LHX9: variants seen among roughly 807,000 people sequenced by gnomAD.
LHX9 encodes the protein LIM/homeobox protein Lhx9.
A neutral mutation model predicts 36.5 loss-of-function variants in LHX9; 9 were observed. The ratio of observed to expected loss-of-function variants is 0.25; its 90% CI spans 0.15 to 0.43. LHX9 has a LOEUF of 0.43. Ranked by LOEUF, LHX9 falls within the 20% of genes least tolerant of loss-of-function variation. The pLI is 1.00. For synonymous variants in LHX9, 211 were observed against 212.1 expected, an observed-to-expected ratio of 0.99 and a Z score of 0.04; for missense variants, 464 against 526.4, an observed-to-expected ratio of 0.88 and a Z score of 1.16.
upstream of LHX9, among the ~76,000 whole-genome samples, chr1:197,915,141 A>G (rs1005486576): frequency 6.6e-5 from 10 of 152,358 alleles, no homozygotes; most frequent in Admixed American, 6.5e-4. Context: ...GCAATATGCA[A>G]CAAGAACCAA....
At position 197,921,578 on chromosome 1, in the gene LHX9, G is replaced by A. The variant is rs748551619; in HGVS notation, c.652G>A (p.Gly218Ser). 3.7e-6 allele frequency: 6 copies of A among 1,612,126 alleles called. No homozygotes were observed. The highest frequency in any genetic ancestry group is 2.2e-5 in the South Asian group (2 of 91,064). The change falls in exon 3 of 5, where the codon GGT (glycine) becomes AGT (serine). Residue 218 changes from glycine to serine, a missense_variant. Gly to Ser is a moderately conservative substitution (Grantham distance 56, BLOSUM62 0). This residue lies in a region of LHX9 where 130 missense variants were observed against 109.6 expected (regional missense o/e 1.19). Coordinates refer to ENST00000367387, the MANE Select transcript of LHX9 (RefSeq NM_020204.3). The surrounding 1 kb of genome is among the most constrained non-coding windows in gnomAD (Gnocchi z 4.6). ...SGGLALPYFN[G>S]TGTVQKGRPR... is the part of the protein sequence containing the mutation. Reference sequence around the variant, plus strand: ...CGGCCTGGCCCTGCCTTACTTCAACGGTACGGGCACCGTGCAGAAAGGGCG... The same window carrying A: ...CGGCCTGGCCCTGCCTTACTTCAACAGTACGGGCACCGTGCAGAAAGGGCG...
rs1659803601 is a variant in LHX9, at chr1:197,917,522, G to A, written c.-302G>A. 4.2e-6 allele frequency: 6 copies of A among 1,423,852 alleles called. No homozygotes were observed. Among genetic ancestry groups the A allele is most frequent in the South Asian group, 1.2e-5 (1 of 82,048 alleles). 88.2% of individuals were successfully genotyped at this position (1,423,852 alleles called of 1,614,324 possible). A position where few individuals can be genotyped will look rare whatever the true frequency, so the allele number is the denominator to read the frequency against. On this transcript the variant is annotated 5_prime_UTR_variant, in exon 1 of 5. Transcript: ENST00000367387. ...CCCCCGCTGCAGTTGTTTCCCATTA[G>A]TAACTCGATCTCTCAGAGCAGTAAG...
Position 197,931,669 on chromosome 1 carries a change from G to C in LHX9, c.*2410G>C, listed in dbSNP as rs1660330569. ...TGCACAGGCAGTGTAATTCAACCTA[G>C]AAATACCTTTGAATATATTTGCTTA... On this transcript the variant is annotated 3_prime_UTR_variant, in exon 5 of 5. Coordinates refer to ENST00000367387, the MANE Select transcript of LHX9 (RefSeq NM_020204.3). 2.7e-6 allele frequency: 1 copy of C among 376,586 alleles called. No individual in the cohort carries two copies. The highest frequency in any genetic ancestry group is 4.8e-6 in the Non-Finnish European group (1 of 207,746). 23.3% of individuals were successfully genotyped at this position (376,586 alleles called of 1,614,324 possible).
rs1426009892 is a variant in LHX9 at position 197,924,964 on chromosome 1, T to C, written c.734-2627T>C. Among the ~76,000 whole-genome samples the C allele has an allele frequency of 4.3e-5, 2 of 46,118 alleles. 1 individual carries two copies. The highest frequency in any genetic ancestry group is 7.9e-5 in the Non-Finnish European group (2 of 25,240). 30.3% of individuals were successfully genotyped at this position (46,118 alleles called of 152,430 possible). On this transcript the variant is annotated intron_variant, in intron 3 of 4. Coordinates refer to ENST00000367387, the MANE Select transcript of LHX9 (RefSeq NM_020204.3). ...AATAGGCCTTGGAGAAACAGTCATT[T>C]GCAAGTTTATATAATGCATGTGTAG...
chr1:197,916,796 G>A (rs779564737), upstream of LHX9: 6 of 702,922 alleles, frequency 8.5e-6, no homozygotes, highest in South Asian at 8.9e-5. Flanking sequence ...TTTAAAAGTG[G>A]ATTGAGGAAG....
In LHX9 at chr1:197,927,758, G is replaced by T. The variant is rs1660190055; in HGVS notation, c.901G>T (p.Ala301Ser). ...NPDAKDLKQL[A>S]QKTGLTKRVL... ...GGATGCCAAGGACCTCAAGCAGCTT[G>T]CCCAGAAAACAGGTCTGACCAAAAG... Residue 301 changes from alanine (A) to serine (S), a missense_variant, in exon 4 of 5, where the codon GCC becomes TCC. Ala to Ser is a moderately conservative substitution (Grantham distance 99). Coordinates refer to ENST00000367387, the MANE Select transcript of LHX9 (RefSeq NM_020204.3). 1 of 1,614,052 alleles carries T rather than the reference G, an allele frequency of 6.2e-7. No homozygotes were observed. Among genetic ancestry groups the T allele is most frequent in the African/African-American group, 1.3e-5 (1 of 74,912 alleles).
rs1411580463 is a variant in LHX9 at position 197,935,023 on chromosome 1, C to T, written c.*5764C>T. 6.6e-6 allele frequency: 1 copy of T among 151,990 alleles called. No homozygotes were observed. Among genetic ancestry groups the T allele is most frequent in the African/African-American group, 2.4e-5 (1 of 41,374 alleles). The allele number at this position is 151,990 out of a possible 1,614,324, so 9.4% of individuals were successfully genotyped here. A position where few individuals can be genotyped will look rare whatever the true frequency, so the allele number is the denominator to read the frequency against. On this transcript the variant is annotated 3_prime_UTR_variant, in exon 5 of 5. Coordinates refer to ENST00000367387, the MANE Select transcript of LHX9 (RefSeq NM_020204.3). ...GGAAAGTTTAGAACTGTGCATGATA[C>T]TCAAGGAAAAGTCTATGAATATGAT... is the stretch of plus-strand genomic sequence containing the variant.
At chr1:197,922,927 A>G (rs1160639967) in intron 3 of LHX9, among the ~76,000 whole-genome samples, 1 of 152,186 alleles carries the variant, frequency 6.6e-6, no homozygotes, top group Non-Finnish European at 1.5e-5. Context: ...CCAGCCAGTT[A>G]AGTGATTTGC....
At chr1:197,916,939 A>G (rs1320681839), upstream of LHX9, among the ~76,000 whole-genome samples, 1 of 152,162 alleles carries the variant, frequency 6.6e-6, no homozygotes, top group African/African-American at 2.4e-5. Context: ...AGGAAATCCA[A>G]AGTTTGAAGT....
rs1363596998 is a variant in LHX9 at position 197,932,208 on chromosome 1, C to T, written c.*2949C>T. 2 of 394,582 alleles carry T rather than the reference C, an allele frequency of 5.1e-6. No homozygotes were observed. The highest frequency in any genetic ancestry group is 9.1e-6 in the Non-Finnish European group (2 of 220,326). The allele number at this position is 394,582 out of a possible 1,614,324, so 24.4% of individuals were successfully genotyped here. On this transcript the variant is annotated 3_prime_UTR_variant, in exon 5 of 5. Coordinates refer to ENST00000367387, the MANE Select transcript of LHX9 (RefSeq NM_020204.3). ...TAAACAAAATTAGATAAACCATGTA[C>T]AAAACCAGAGCAACCTGGCAGTAAT... is the stretch of plus-strand genomic sequence containing the variant.
chr1:197,921,683 G>A lies in LHX9; in HGVS notation c.733+24G>A, dbSNP rs984794469. ...AGGTGTGCCTCCTATCCTCACCCCC[G>A]GCGCAGCCCCGGCCTCCCTGAGGAA... is the stretch of plus-strand genomic sequence containing the variant. On this transcript the variant is annotated intron_variant, in intron 3 of 4. Transcript: ENST00000367387. This position sits in a 1 kb window ranked among gnomAD's most constrained non-coding sequence, Gnocchi z 4.6. 7.2e-6 allele frequency: 11 copies of A among 1,526,650 alleles called. No individual in the cohort carries two copies. Among genetic ancestry groups the A allele is most frequent in the East Asian group, 2.3e-5 (1 of 43,552 alleles). The allele number at this position is 1,526,650 out of a possible 1,614,324, so 94.6% of individuals were successfully genotyped here. A position where few individuals can be genotyped will look rare whatever the true frequency, so the allele number is the denominator to read the frequency against.
rs1377913574 is a variant in LHX9, at chr1:197,921,823, G to C, written c.733+164G>C. Among the ~76,000 whole-genome samples, 2 of 152,244 alleles carry C rather than the reference G, an allele frequency of 1.3e-5. No individual in the cohort carries two copies. The highest frequency in any genetic ancestry group is 1.5e-5 in the Non-Finnish European group (1 of 68,040). ...CTGAAGGAAGGGAGAGAGGGAGGAG[G>C]AGGGGGGAAGGGAGGGAGAGGCAGC... is the stretch of plus-strand genomic sequence containing the variant. On this transcript the variant is annotated intron_variant, in intron 3 of 4. Coordinates refer to ENST00000367387, the MANE Select transcript of LHX9 (RefSeq NM_020204.3). This position sits in a 1 kb window ranked among gnomAD's most constrained non-coding sequence, Gnocchi z 4.6.
In LHX9 at chr1:197,929,815, A is replaced by T. The variant is rs1279880782; in HGVS notation, c.*556A>T. 1.1e-6 allele frequency: 1 copy of T among 943,526 alleles called. No individual in the cohort carries two copies. The highest frequency in any genetic ancestry group is 1.8e-5 in the African/African-American group (1 of 56,394). The allele number at this position is 943,526 out of a possible 1,614,324, so 58.4% of individuals were successfully genotyped here. ...ACTGTTAATTCAAGTGAGGAATATG[A>T]TGAAATAAAAGCATTAACTACAGAC... On this transcript the variant is annotated 3_prime_UTR_variant, in exon 5 of 5. Coordinates refer to ENST00000367387, the MANE Select transcript of LHX9 (RefSeq NM_020204.3).
upstream of LHX9, chr1:197,917,227 C>T: frequency 8.3e-7 from 1 of 1,199,290 alleles, no homozygotes; most frequent in Non-Finnish European, 1.1e-6. Context: ...TTGCCCATCA[C>T]CAGGGGGTTG....
At chr1:197,928,791 C>A (rs1354401077) in intron 4 of LHX9, among the ~76,000 whole-genome samples, 1 of 145,666 alleles carries the variant, frequency 6.9e-6, no homozygotes, top group African/African-American at 2.6e-5. Context: ...GATAATAAAT[C>A]TGTAGTGTTA....
At chr1:197,916,583 G>A (rs1224971900), upstream of LHX9, 1 of 683,156 alleles carries the variant, frequency 1.5e-6, no homozygotes, top group Admixed American at 2.1e-5. Context: ...CTATGGCCAA[G>A]GCGCAATTGC....
Position 197,917,938 on chromosome 1 carries a change from C to G in LHX9, c.115C>G (p.Arg39Gly). 6.2e-7 allele frequency: 1 copy of G among 1,614,180 alleles called. No homozygotes were observed. Among genetic ancestry groups the G allele is most frequent in the Non-Finnish European group, 8.5e-7 (1 of 1,180,014 alleles). The change falls in exon 1 of 5, where the codon CGC becomes GGC. Residue 39 changes from arginine (R) to glycine (G), a missense_variant. Arg to Gly is a moderately radical substitution (Grantham distance 125, BLOSUM62 -2). Around this residue, in one of 5 missense-constraint regions of LHX9, gnomAD observed 119 missense variants for 102.4 expected, o/e 1.16. Transcript: ENST00000367387. Reference sequence around the variant, plus strand: ...CCAAGGCATCATGGAGGAGATGGAGCGCAGATCCAAGACTGAGGCCCGTCT... The same window carrying G: ...CCAAGGCATCATGGAGGAGATGGAGGGCAGATCCAAGACTGAGGCCCGTCT... ...HIQGIMEEME[R>G]RSKTEARLAK...
intron 3 of LHX9, among the ~76,000 whole-genome samples, chr1:197,924,888 A>ACAC (rs1571404851): frequency 0.047 from 5,461 of 117,390 alleles, 640 homozygotes; most frequent in East Asian, 0.076. Context: ...TTTAAGAGTT[A>ACAC]TCATTTCATC....
chr1:197,916,209 CA>C (rs1659748768), upstream of LHX9: 1 of 163,318 alleles, frequency 6.1e-6, no homozygotes, highest in Non-Finnish European at 1.3e-5. Context: ...GTATTGTGGA[CA>C]CTTTTTAATG....
Sources: gnomAD v4.1 joint callset for allele counts (sites outside exome capture counted in the v4.1 genomes callset) on GRCh38, gnomAD v4.1.1 for gene constraint, gnomAD v4.1.1 regional missense constraint, Gnocchi (gnomAD v3.1) non-coding constraint, MANE v1.5 for transcripts, NCBI Gene and HGNC (gene_info 2026-07-23, HGNC 2026-07-21) for gene names.